CSNK1A1: variants seen among roughly 807,000 people sequenced by gnomAD.
CSNK1A1 encodes casein kinase I isoform alpha.
CSNK1A1 carries 7 observed loss-of-function variants against 46.1 expected under a neutral mutation model. The observed-to-expected ratio is 0.15, with a 90% CI of 0.09 to 0.29. CSNK1A1 has a LOEUF of 0.29. Ranked by LOEUF, CSNK1A1 falls within the 10% of genes least tolerant of loss-of-function variation. The pLI is 1.00. For synonymous variants in CSNK1A1, 137 were observed against 141.5 expected, an observed-to-expected ratio of 0.97 and a Z score of 0.23; for missense variants, 96 against 417.1, an observed-to-expected ratio of 0.23 and a Z score of 6.71.
chr5:149,523,875 T>C (rs1319043161), intron 3 of CSNK1A1, among the ~76,000 whole-genome samples: 1 of 152,206 alleles, frequency 6.6e-6, no homozygotes, highest in African/African-American at 2.4e-5. Context: ...TTGTTAACTA[T>C]AATTTCCCTA....
At chr5:149,533,723 A>G (rs1355883002) in intron 2 of CSNK1A1, among the ~76,000 whole-genome samples, 1 of 152,052 alleles carries the variant, frequency 6.6e-6, no homozygotes, top group African/African-American at 2.4e-5. Context: ...AGCTCTTGTC[A>G]TCACTGCTCC....
At chr5:149,538,746 A>T (rs1373804308) in intron 2 of CSNK1A1, among the ~76,000 whole-genome samples, 1 of 152,084 alleles carries the variant, frequency 6.6e-6, no homozygotes, top group Non-Finnish European at 1.5e-5. Context: ...AACAAGGAGA[A>T]ACCCCGTCTC....
chr5:149,544,215 C>T (rs750344864), intron 2 of CSNK1A1, among the ~76,000 whole-genome samples: 6 of 152,158 alleles, frequency 3.9e-5, no homozygotes, highest in Non-Finnish European at 8.8e-5. Context: ...CCCATTAGAA[C>T]AATCCTTTTT....
chr5:149,534,064 G>T (rs1761978650), intron 2 of CSNK1A1, among the ~76,000 whole-genome samples: 1 of 152,176 alleles, frequency 6.6e-6, no homozygotes, highest in African/African-American at 2.4e-5. Context: ...GCTTAAATAG[G>T]TTAACCTTTA....
rs1561747836 is a variant in CSNK1A1, at chr5:149,496,879, A to G, written c.1007-19T>C. 2 of 1,516,784 alleles carry G rather than the reference A, an allele frequency of 1.3e-6. No individual in the cohort carries two copies. The highest frequency in any genetic ancestry group is 2.5e-5 in the East Asian group (1 of 40,656). 94.0% of individuals were successfully genotyped at this position (1,516,784 alleles called of 1,614,324 possible). A position where few individuals can be genotyped will look rare whatever the true frequency, so the allele number is the denominator to read the frequency against. On this transcript the variant is annotated intron_variant, in intron 9 of 9. Transcript: ENST00000377843. ...TAGAAACCTGGTAAAAAATCAAAAC[A>G]AAAAAAAAGTTAAAATTCCAAGTCA...
chr5:149,501,954 T>A (rs1295530509), intron 9 of CSNK1A1: 1 of 937,070 alleles, frequency 1.1e-6, no homozygotes, highest in African/African-American at 1.8e-5. Context: ...CTTGTAGTAA[T>A]TGAACATTAA....
At chr5:149,499,305 AGGGGAG>A in intron 9 of CSNK1A1, 19 of 496,352 alleles carry the variant, frequency 3.8e-5, no homozygotes, top group South Asian at 1.2e-4. Flanking sequence ...TTAAAAAAAA[AGGGGAG>A]GGGGAGGGGG....
chr5:149,514,277 CT>C (rs1761330211), intron 4 of CSNK1A1, among the ~76,000 whole-genome samples: 2 of 152,118 alleles, frequency 1.3e-5, no homozygotes, highest in South Asian at 4.1e-4. Context: ...TATAATGTAG[CT>C]AATTGTTGTA....
At chr5:149,498,413 C>G in intron 9 of CSNK1A1, 2 of 985,280 alleles carry the variant, frequency 2.0e-6, no homozygotes, top group Non-Finnish European at 2.4e-6. Flanking sequence ...GCGAGGTAAA[C>G]CTTTCTTTTA....
At chr5:149,537,826 G>A (rs1214217085) in intron 2 of CSNK1A1, among the ~76,000 whole-genome samples, 1 of 146,330 alleles carries the variant, frequency 6.8e-6, no homozygotes, top group Non-Finnish European at 1.5e-5. Flanking sequence ...TCAGGGTACT[G>A]TTTGGGGCTC....
chr5:149,500,620 G>T (rs1174542490), intron 9 of CSNK1A1, among the ~76,000 whole-genome samples: 1 of 151,506 alleles, frequency 6.6e-6, no homozygotes, highest in Non-Finnish European at 1.5e-5. Context: ...ATAGCGATGA[G>T]GTCTCCCTAT....
rs1417009909 is a variant in CSNK1A1, at chr5:149,496,100, A to G, written c.*753T>C. On this transcript the variant is annotated 3_prime_UTR_variant, in exon 10 of 10. Coordinates refer to ENST00000377843, the MANE Select transcript of CSNK1A1 (RefSeq NM_001892.6). ...TACAGTGATTACATTTATCTAAGCA[A>G]CATACATACATGTTCAGTTGTAAGA... 1 of 152,672 alleles carries G rather than the reference A, an allele frequency of 6.5e-6. No homozygotes were observed. Among genetic ancestry groups the G allele is most frequent in the Non-Finnish European group, 1.5e-5 (1 of 68,042 alleles). The allele number at this position is 152,672 out of a possible 1,614,324, so 9.5% of individuals were successfully genotyped here.
intron 9 of CSNK1A1, among the ~76,000 whole-genome samples, chr5:149,500,135 A>ATT (rs1193702653): frequency 3.8e-5 from 4 of 106,328 alleles, no homozygotes; most frequent in South Asian, 2.8e-4. Flanking sequence ...CGCCCAGCTA[A>ATT]TTTTTTTTTT....
chr5:149,539,510 T>C (rs536884835), intron 2 of CSNK1A1, among the ~76,000 whole-genome samples: 1 of 150,960 alleles, frequency 6.6e-6, no homozygotes, highest in Non-Finnish European at 1.5e-5. Context: ...CCTTATTAGG[T>C]TGTAATTCTA....
chr5:149,527,728 AC>A (rs1761766525), intron 2 of CSNK1A1, among the ~76,000 whole-genome samples: 1 of 152,156 alleles, frequency 6.6e-6, no homozygotes, highest in Admixed American at 6.5e-5. Flanking sequence ...TCACGAACCT[AC>A]CATTACAAAC....
chr5:149,538,014 G>GATTT (rs1762112279), intron 2 of CSNK1A1, among the ~76,000 whole-genome samples: 1 of 85,728 alleles, frequency 1.2e-5, no homozygotes, highest in Non-Finnish European at 2.1e-5. Flanking sequence ...AGTGTGCCCA[G>GATTT]TTTTTTTTTT....
At chr5:149,549,405 C>G in intron 2 of CSNK1A1, 1 of 695,020 alleles carries the variant, frequency 1.4e-6, no homozygotes, top group Non-Finnish European at 2.6e-6. Context: ...GTCACATCTG[C>G]TGCAGAGATC....
intron 2 of CSNK1A1, among the ~76,000 whole-genome samples, chr5:149,541,846 C>A (rs1762240943): frequency 1.3e-5 from 2 of 151,750 alleles, no homozygotes; most frequent in African/African-American, 4.8e-5. Flanking sequence ...TGGTATATGC[C>A]TGTAGTCCTA....
At chr5:149,504,693 AGGCCT>A in intron 9 of CSNK1A1, 1 of 985,460 alleles carries the variant, frequency 1.0e-6, no homozygotes, top group African/African-American at 1.7e-5. Context: ...TCAATTTGCA[AGGCCT>A]GGCTGCAGAC....
Sources: gnomAD v4.1 joint callset for allele counts (sites outside exome capture counted in the v4.1 genomes callset) on GRCh38, gnomAD v4.1.1 for gene constraint, MANE v1.5 for transcripts, NCBI Gene and HGNC (gene_info 2026-07-23, HGNC 2026-07-21) for gene names.